Variants in GSG1L observed in about 807,000 individuals in gnomAD.
GSG1L encodes GSG1 like.
GSG1L carries 24 observed loss-of-function variants against 42.1 expected under a neutral mutation model. That is an observed-to-expected ratio of 0.57 (90% CI 0.41 to 0.80). GSG1L has a LOEUF of 0.80. Among genes scored for constraint, GSG1L ranks in the 30% least tolerant of loss-of-function variants. The pLI, the probability that GSG1L is intolerant of heterozygous loss-of-function variation, is 0.00. For synonymous variants in GSG1L, 215 were observed against 203.5 expected (o/e 1.06, Z -0.48); for missense variants, 445 against 472.2 (o/e 0.94, Z 0.53).
At chr16:27,917,286 A>G (rs1047326533) in intron 2 of GSG1L, among the ~76,000 whole-genome samples, 2 of 151,916 alleles carry the variant, frequency 1.3e-5, no homozygotes, top group East Asian at 3.9e-4. Context: ...TGCAGTCCTG[A>G]CCTTAAAGTG....
At position 27,791,506 on chromosome 16, in the gene GSG1L, T is replaced by C. The variant is rs1347213238; in HGVS notation, c.899-39A>G. 9 of 1,371,644 alleles carry C rather than the reference T, an allele frequency of 6.6e-6. No homozygotes were observed. The South Asian group carries it at 1.2e-4, about 18-fold the overall frequency. 85.0% of individuals were successfully genotyped at this position (1,371,644 alleles called of 1,614,324 possible). On this transcript the variant is annotated intron_variant, in intron 6 of 6. Transcript: ENST00000447459. ...AGGCGGTCAGTGCTGAAAGCCACCT[T>C]CCTCCACCCACATCCTGTCTACCCA...
intron 1 of GSG1L, among the ~76,000 whole-genome samples, chr16:28,014,420 G>A (rs746575023): frequency 1.7e-4 from 26 of 152,188 alleles, no homozygotes; most frequent in Non-Finnish European, 2.4e-4. Context: ...ATAGGTATGC[G>A]GTTGATAATA....
intron 6 of GSG1L, among the ~76,000 whole-genome samples, chr16:27,791,958 C>G (rs568572815): frequency 1.3e-5 from 2 of 152,042 alleles, no homozygotes; most frequent in Non-Finnish European, 2.9e-5. Flanking sequence ...CTGACAGCCA[C>G]GACAGCACCC....
chr16:27,812,082 G>T (rs1042759145), intron 5 of GSG1L, among the ~76,000 whole-genome samples: 3 of 152,204 alleles, frequency 2.0e-5, no homozygotes, highest in Admixed American at 6.5e-5. Context: ...TAAGGAGACA[G>T]TCAGTCCAGC....
intron 1 of GSG1L, among the ~76,000 whole-genome samples, chr16:27,972,038 C>G (rs190663318): frequency 6.6e-6 from 1 of 152,330 alleles, no homozygotes; most frequent in East Asian, 1.9e-4. Context: ...CTTCCCAGCT[C>G]TCTGCTCCCA....
chr16:27,796,235 G>T (rs1225504145), intron 6 of GSG1L, among the ~76,000 whole-genome samples: 1 of 152,146 alleles, frequency 6.6e-6, no homozygotes, highest in Non-Finnish European at 1.5e-5. Flanking sequence ...TCACAGGTCC[G>T]CCCAAAGCCA....
intron 1 of GSG1L, among the ~76,000 whole-genome samples, chr16:28,053,124 G>A (rs2086237591): frequency 6.6e-6 from 1 of 152,174 alleles, no homozygotes; most frequent in South Asian, 2.1e-4. Context: ...AACCAGGGTG[G>A]AGAGAGGCCC....
intron 1 of GSG1L, among the ~76,000 whole-genome samples, chr16:28,013,941 G>T (rs2085753068): frequency 6.6e-6 from 1 of 152,220 alleles, no homozygotes; most frequent in Non-Finnish European, 1.5e-5. Flanking sequence ...CGACCAGGGT[G>T]CCCTAGGGCA....
intron 1 of GSG1L, among the ~76,000 whole-genome samples, chr16:28,025,809 C>T (rs138201152): frequency 3.1e-3 from 467 of 152,270 alleles, no homozygotes; most frequent in Non-Finnish European, 4.3e-3. Flanking sequence ...GACAGTTGGG[C>T]GTGATGCTCC....
At chr16:27,881,918 A>T (rs1204017477) in intron 3 of GSG1L, among the ~76,000 whole-genome samples, 1 of 152,096 alleles carries the variant, frequency 6.6e-6, no homozygotes, top group Non-Finnish European at 1.5e-5. Context: ...CTTTGCATCA[A>T]TATGACTCCT....
intron 2 of GSG1L, among the ~76,000 whole-genome samples, chr16:27,920,248 T>C (rs568022308): frequency 1.2e-4 from 19 of 152,266 alleles, no homozygotes; most frequent in African/African-American, 4.3e-4. Flanking sequence ...TGAGGAATCA[T>C]GGTGTGCCTA....
At chr16:27,838,451 C>A (rs958418332) in intron 4 of GSG1L, among the ~76,000 whole-genome samples, 1 of 152,142 alleles carries the variant, frequency 6.6e-6, no homozygotes, top group Admixed American at 6.5e-5. Context: ...AACTGGCACA[C>A]GGAGCTGCGT....
At chr16:27,946,271 G>A (rs757804097) in intron 2 of GSG1L, among the ~76,000 whole-genome samples, 3 of 152,164 alleles carry the variant, frequency 2.0e-5, no homozygotes, top group African/African-American at 2.4e-5. Flanking sequence ...GAGGTCAGTC[G>A]CGGTGGCTCA....
chr16:27,821,947 C>A (rs2083155344), intron 5 of GSG1L, among the ~76,000 whole-genome samples: 1 of 151,428 alleles, frequency 6.6e-6, no homozygotes, highest in Non-Finnish European at 1.5e-5. Flanking sequence ...AATTTTGAAA[C>A]CACCATGCAA....
intron 4 of GSG1L, among the ~76,000 whole-genome samples, chr16:27,839,259 G>C (rs943984634): frequency 6.6e-6 from 1 of 152,146 alleles, no homozygotes; most frequent in Non-Finnish European, 1.5e-5. Flanking sequence ...CCTAGATCTG[G>C]CCCAACTTGC....
At chr16:27,902,974 G>A (rs537477296) in intron 2 of GSG1L, among the ~76,000 whole-genome samples, 176 of 152,208 alleles carry the variant, frequency 1.2e-3, no homozygotes, top group African/African-American at 4.1e-3. Context: ...GAACCACAGA[G>A]ACAAGGACAC....
chr16:28,001,540 C>T (rs1220641566), intron 1 of GSG1L, among the ~76,000 whole-genome samples: 4 of 152,128 alleles, frequency 2.6e-5, no homozygotes, highest in South Asian at 2.1e-4. Context: ...GAGAGGCAGA[C>T]GAAAGGCAAT....
intron 2 of GSG1L, among the ~76,000 whole-genome samples, chr16:27,946,657 AAAGAAAG>A (rs1315091123): frequency 2.2e-4 from 1 of 4,576 alleles, no homozygotes; most frequent in African/African-American, 1.4e-3. Flanking sequence ...GAAAGAAAGA[AAAGAAAG>A]AAAGAAAGAA....
At chr16:27,992,312 G>A (rs1031459688) in intron 1 of GSG1L, among the ~76,000 whole-genome samples, 2 of 152,156 alleles carry the variant, frequency 1.3e-5, no homozygotes, top group African/African-American at 4.8e-5. Flanking sequence ...TGGCCAGCAT[G>A]GTGAAACCTC....
Sources: allele counts gnomAD v4.1 joint callset (sites outside exome capture counted in the v4.1 genomes callset), GRCh38; gene constraint gnomAD v4.1.1; transcripts MANE v1.5; gene names NCBI Gene and HGNC (gene_info 2026-07-23, HGNC 2026-07-21).